Variants in SEMA6A observed in about 807,000 individuals in gnomAD.
The protein encoded by SEMA6A is semaphorin-6A.
Under a neutral mutation model 96.8 loss-of-function variants are expected in SEMA6A, and 25 were observed. The observed-to-expected ratio is 0.26, with a 90% CI of 0.19 to 0.36. SEMA6A has a LOEUF of 0.36. Ranked by LOEUF, SEMA6A falls within the 10% of genes least tolerant of loss-of-function variation. SEMA6A has a pLI of 1.00. For synonymous variants in SEMA6A, 612 were observed against 518.0 expected (o/e 1.18, Z -2.46); for missense variants, 1,363 against 1,323.1 (o/e 1.03, Z -0.47).
chr5:116,508,931 C>G (rs972031201), intron 1 of SEMA6A, among the ~76,000 whole-genome samples: 2 of 152,188 alleles, frequency 1.3e-5, no homozygotes, highest in Non-Finnish European at 2.9e-5. Flanking sequence ...TTCCTCTTGA[C>G]CATCATCTGC....
chr5:116,571,734 G>C (rs749045167), intron 1 of SEMA6A, among the ~76,000 whole-genome samples: 1 of 152,164 alleles, frequency 6.6e-6, no homozygotes, highest in East Asian at 1.9e-4. Context: ...TTAAGGTTAG[G>C]TTAATAATTA....
In SEMA6A at chr5:116,486,723, G is replaced by A. The variant is rs549727296; in HGVS notation, c.962+26C>T. Reference sequence around the variant, plus strand: ...GAAGGAAGCCAGGAAGAATTGATGAGGTCAACACAGCTAGGGCATGATTAC... The same window carrying A: ...GAAGGAAGCCAGGAAGAATTGATGAAGTCAACACAGCTAGGGCATGATTAC... On this transcript the variant is annotated intron_variant, in intron 10 of 18. Coordinates refer to ENST00000343348, the MANE Select transcript of SEMA6A (RefSeq NM_020796.5). 1.8e-5 allele frequency: 28 copies of A among 1,588,100 alleles called. No individual in the cohort carries two copies. In the South Asian group the frequency reaches 2.4e-4, roughly 14 times the overall value.
intron 1 of SEMA6A, among the ~76,000 whole-genome samples, chr5:116,552,972 GTT>G (rs1760476268): frequency 6.6e-6 from 1 of 152,130 alleles, no homozygotes; most frequent in Non-Finnish European, 1.5e-5. Context: ...CCCAAGAGGA[GTT>G]GGCCCTGCTC....
intron 11 of SEMA6A, among the ~76,000 whole-genome samples, chr5:116,480,595 T>C (rs748819536): frequency 3.9e-5 from 6 of 152,136 alleles, no homozygotes; most frequent in South Asian, 2.1e-4. Context: ...GGTTTGCACA[T>C]ATCTCGGGGA....
chr5:116,524,669 C>T (rs1314219149), intron 1 of SEMA6A, among the ~76,000 whole-genome samples: 2 of 151,848 alleles, frequency 1.3e-5, no homozygotes, highest in Non-Finnish European at 2.9e-5. Context: ...TTTCCACTAG[C>T]AAATGCTACA....
At chr5:116,482,351 CA>C in intron 11 of SEMA6A, 92 bp downstream of exon 11, 1 of 1,351,454 alleles carries the variant, frequency 7.4e-7, no homozygotes, top group South Asian at 1.4e-5. Flanking sequence ...GCATGGAAGG[CA>C]CTGGTGCGCA....
At chr5:116,549,426 A>G (rs1347390485) in intron 1 of SEMA6A, among the ~76,000 whole-genome samples, 1 of 152,156 alleles carries the variant, frequency 6.6e-6, no homozygotes, top group Non-Finnish European at 1.5e-5. Context: ...ATGGATTTGG[A>G]AGGGGAAACA....
intron 2 of SEMA6A, chr5:116,502,537 A>T (rs1301036985): frequency 3.7e-6 from 2 of 535,120 alleles, no homozygotes; most frequent in Non-Finnish European, 6.6e-6. Flanking sequence ...TCATTTCTAG[A>T]TAATTATAAG....
At chr5:116,448,202 C>T (rs1754388918) in intron 18 of SEMA6A, among the ~76,000 whole-genome samples, 1 of 130,410 alleles carries the variant, frequency 7.7e-6, no homozygotes. Flanking sequence ...AAAAATTAGC[C>T]AGGCGCGGTG....
At chr5:116,482,647 A>G in intron 10 of SEMA6A, 72 bp from the exon 11 acceptor site, 1 of 1,510,310 alleles carries the variant, frequency 6.6e-7, no homozygotes, top group Non-Finnish European at 9.1e-7. Flanking sequence ...CATACTCCAG[A>G]GAAACTTTCC....
intron 1 of SEMA6A, among the ~76,000 whole-genome samples, chr5:116,553,420 T>G (rs1378945807): frequency 6.6e-6 from 1 of 152,142 alleles, no homozygotes; most frequent in Non-Finnish European, 1.5e-5. Context: ...AGCTGATGCC[T>G]TGTGGTCCCT....
At chr5:116,540,143 C>CA (rs1435462536) in intron 1 of SEMA6A, among the ~76,000 whole-genome samples, 1 of 151,794 alleles carries the variant, frequency 6.6e-6, no homozygotes, top group Non-Finnish European at 1.5e-5. Flanking sequence ...ATATTTTTTC[C>CA]AAAAAATGTG....
At chr5:116,460,176 C>T (rs942072013) in intron 18 of SEMA6A, among the ~76,000 whole-genome samples, 3 of 152,034 alleles carry the variant, frequency 2.0e-5, no homozygotes, top group Admixed American at 6.5e-5. Context: ...ATAAAAGAAC[C>T]AATAGTTTTA....
chr5:116,465,549 A>C lies in SEMA6A; in HGVS notation c.1894+2034T>G, dbSNP rs1466663039. ...AGAACAGTGATCATGTTAAACACCCATGCAGTCACCTCTGCCACCATTGTT... is the reference window on the plus strand; with the variant it reads ...AGAACAGTGATCATGTTAAACACCCCTGCAGTCACCTCTGCCACCATTGTT... On this transcript the variant is annotated intron_variant, in intron 18 of 18. Transcript: ENST00000343348. 6.6e-5 allele frequency among the ~76,000 whole-genome samples: 10 copies of C among 152,322 alleles called. No individual in the cohort carries two copies. In the East Asian group the frequency reaches 1.9e-3, roughly 29 times the overall value.
At chr5:116,477,334 T>C (rs1453554377) in intron 15 of SEMA6A, among the ~76,000 whole-genome samples, 1 of 152,238 alleles carries the variant, frequency 6.6e-6, no homozygotes, top group South Asian at 2.1e-4. Flanking sequence ...GACGGCCTGA[T>C]GAGTAATAGG....
At chr5:116,483,280 A>G (rs763957310) in intron 10 of SEMA6A, among the ~76,000 whole-genome samples, 3 of 152,182 alleles carry the variant, frequency 2.0e-5, no homozygotes, top group Non-Finnish European at 2.9e-5. Flanking sequence ...TTTTTAATCA[A>G]TGATGGGAAG....
intron 1 of SEMA6A, among the ~76,000 whole-genome samples, chr5:116,536,114 CAG>C (rs1326258397): frequency 6.6e-6 from 1 of 152,110 alleles, no homozygotes; most frequent in Non-Finnish European, 1.5e-5. Flanking sequence ...GTCATGAAAA[CAG>C]ATGTTGGGCA....
At chr5:116,492,389 G>C (rs1757373752) in intron 6 of SEMA6A, 1 of 152,070 alleles carries the variant, frequency 6.6e-6, no homozygotes, top group South Asian at 2.1e-4. Context: ...AGGTTGGAAA[G>C]GTCCAGAGGC....
At chr5:116,554,667 C>T (rs1437624846) in intron 1 of SEMA6A, 1 of 152,116 alleles carries the variant, frequency 6.6e-6, no homozygotes, top group Non-Finnish European at 1.5e-5. Context: ...CTTCCTTGGC[C>T]TACCTTCTTA....
Sources: gnomAD v4.1 joint callset for allele counts (sites outside exome capture counted in the v4.1 genomes callset) on GRCh38, gnomAD v4.1.1 for gene constraint, MANE v1.5 for transcripts, NCBI Gene and HGNC (gene_info 2026-07-23, HGNC 2026-07-21) for gene names.